GABRA4: variants seen among roughly 807,000 people sequenced by gnomAD.
GABRA4 encodes the protein gamma-aminobutyric acid receptor subunit alpha-4.
Under a neutral mutation model 49.7 loss-of-function variants are expected in GABRA4, and 12 were observed. The observed-to-expected ratio is 0.24, with a 90% CI of 0.15 to 0.39. The LOEUF is 0.39. Ranked by LOEUF, GABRA4 falls within the 10% of genes least tolerant of loss-of-function variation. The pLI is 1.00. For missense variants in GABRA4, 506 were observed against 686.0 expected, an observed-to-expected ratio of 0.74 and a Z score of 2.93; for synonymous variants, 288 against 240.2, an observed-to-expected ratio of 1.20 and a Z score of -1.84.
chr4:46,921,163 T>A lies in GABRA4; in HGVS notation c.*7062A>T, dbSNP rs982908634. 5.9e-5 allele frequency: 9 copies of A among 151,386 alleles called. No homozygotes were observed. The highest frequency in any genetic ancestry group is 1.2e-4 in the Non-Finnish European group (8 of 67,706). The allele number at this position is 151,386 out of a possible 1,614,324, so 9.4% of individuals were successfully genotyped here. On this transcript the variant is annotated 3_prime_UTR_variant, in exon 9 of 9. Coordinates refer to ENST00000264318, the MANE Select transcript of GABRA4 (RefSeq NM_000809.4). The stretch of plus-strand genomic sequence containing the variant: ...TTTTTTTAACGGAAGTAATTAGTGG[T>A]AGAGAAAAGCTATTAAGAAACCATA...
chr4:46,959,683 A>T (rs1248757489), intron 8 of GABRA4, among the ~76,000 whole-genome samples: 2 of 142,502 alleles, frequency 1.4e-5, no homozygotes, highest in Admixed American at 7.6e-5. Flanking sequence ...GAATGGTTTT[A>T]TTCTGATTAA....
chr4:46,959,830 ATATATG>A (rs1012704455), intron 8 of GABRA4, among the ~76,000 whole-genome samples: 22 of 137,440 alleles, frequency 1.6e-4, no homozygotes, highest in East Asian at 1.1e-3. Flanking sequence ...ATATATATAT[ATATATG>A]TGTGTGTGTG....
At chr4:46,932,401 C>G (rs1721468228) in intron 8 of GABRA4, among the ~76,000 whole-genome samples, 1 of 152,040 alleles carries the variant, frequency 6.6e-6, no homozygotes, top group South Asian at 2.1e-4. Flanking sequence ...TCTCTACTCA[C>G]AAATGTGGAG....
In GABRA4 at chr4:46,921,679, C is replaced by G. The variant is rs1721041122; in HGVS notation, c.*6546G>C. ...AAAGATACTCTGGTCAATCCCTGGT[C>G]TATTGGAAGTGCAAATAACATATGG... On this transcript the variant is annotated 3_prime_UTR_variant, in exon 9 of 9. Coordinates refer to ENST00000264318, the MANE Select transcript of GABRA4 (RefSeq NM_000809.4). 2 of 151,868 alleles carry G rather than the reference C, an allele frequency of 1.3e-5. No homozygotes were observed. Among genetic ancestry groups the G allele is most frequent in the South Asian group, 2.1e-4 (1 of 4,810 alleles). The allele number at this position is 151,868 out of a possible 1,614,324, so 9.4% of individuals were successfully genotyped here.
At chr4:46,949,820 A>AAATT (rs1474038478) in intron 8 of GABRA4, among the ~76,000 whole-genome samples, 1 of 152,150 alleles carries the variant, frequency 6.6e-6, no homozygotes, top group Non-Finnish European at 1.5e-5. Flanking sequence ...AAAGAAAAAG[A>AAATT]AATTAGATAT....
intron 8 of GABRA4, among the ~76,000 whole-genome samples, chr4:46,940,245 A>C (rs532181935): frequency 6.6e-6 from 1 of 152,162 alleles, no homozygotes; most frequent in African/African-American, 2.4e-5. Flanking sequence ...TTACTATTCA[A>C]GATATATGGT....
chr4:46,957,010 A>G (rs1393619583), intron 8 of GABRA4, among the ~76,000 whole-genome samples: 1 of 152,098 alleles, frequency 6.6e-6, no homozygotes, highest in Non-Finnish European at 1.5e-5. Flanking sequence ...TTATAAAGTG[A>G]TAAATGAGTT....
intron 8 of GABRA4, among the ~76,000 whole-genome samples, chr4:46,944,689 G>A (rs993270207): frequency 1.3e-5 from 2 of 151,926 alleles, no homozygotes; most frequent in South Asian, 2.1e-4. Context: ...TAATTTCCAA[G>A]ATAGTATCTA....
chr4:46,940,810 C>T (rs1280012798), intron 8 of GABRA4, among the ~76,000 whole-genome samples: 1 of 151,914 alleles, frequency 6.6e-6, no homozygotes, highest in Non-Finnish European at 1.5e-5. Flanking sequence ...GAAGAGTAAG[C>T]TCTAAGCTAT....
At chr4:46,974,500 T>TA in intron 5 of GABRA4, 125 bp from the exon 6 acceptor site, 2 of 912,448 alleles carry the variant, frequency 2.2e-6, no homozygotes, top group Non-Finnish European at 3.1e-6. Context: ...TCACTATAAT[T>TA]TAGTCACTAT....
In GABRA4 at chr4:46,993,478, C is replaced by A. The variant is rs757921405; in HGVS notation, c.-54G>T. The A allele has an allele frequency of 7.6e-6, 12 of 1,576,308 alleles. No individual in the cohort carries two copies. Among genetic ancestry groups the A allele is most frequent in the Non-Finnish European group, 8.7e-6 (10 of 1,146,210 alleles). Reference sequence around the variant, plus strand: ...TTCACGTTTCCAGGCTCTTCAGATGCCCTGAGCAGGGTGCGAGGAGAGGGC... The same window carrying A: ...TTCACGTTTCCAGGCTCTTCAGATGACCTGAGCAGGGTGCGAGGAGAGGGC... On this transcript the variant is annotated 5_prime_UTR_variant, in exon 1 of 9. Transcript: ENST00000264318.
At chr4:46,962,299 T>G (rs1722605553) in intron 8 of GABRA4, among the ~76,000 whole-genome samples, 1 of 151,830 alleles carries the variant, frequency 6.6e-6, no homozygotes, top group Admixed American at 6.6e-5. Context: ...TCAGTAGCAT[T>G]TTTGTATGTC....
intron 8 of GABRA4, among the ~76,000 whole-genome samples, chr4:46,960,090 T>C (rs1295569293): frequency 6.6e-6 from 1 of 151,238 alleles, no homozygotes; most frequent in Non-Finnish European, 1.5e-5. Context: ...ATTTTAGTGA[T>C]AAAAATATAA....
chr4:46,960,582 A>G (rs112283365), intron 8 of GABRA4, among the ~76,000 whole-genome samples: 45 of 151,828 alleles, frequency 3.0e-4, no homozygotes, highest in African/African-American at 9.9e-4. Context: ...TTAACAATGA[A>G]GTTTTCAAAA....
chr4:46,947,468 C>T (rs1157698691), intron 8 of GABRA4, among the ~76,000 whole-genome samples: 3 of 151,630 alleles, frequency 2.0e-5, no homozygotes, highest in Non-Finnish European at 4.4e-5. Context: ...TTAAAATGGC[C>T]TACCACAAAA....
chr4:46,936,851 T>A (rs571111075), intron 8 of GABRA4, among the ~76,000 whole-genome samples: 7 of 152,146 alleles, frequency 4.6e-5, no homozygotes, highest in Non-Finnish European at 1.0e-4. Flanking sequence ...ATTATAGTAG[T>A]CAAAAGGACT....
chr4:46,935,417 A>G (rs1220727057), intron 8 of GABRA4, among the ~76,000 whole-genome samples: 2 of 152,226 alleles, frequency 1.3e-5, no homozygotes, highest in African/African-American at 4.8e-5. Flanking sequence ...CGAATATTAC[A>G]TAGAAAGAAC....
chr4:46,989,425 A>T (rs1402170222), intron 2 of GABRA4, among the ~76,000 whole-genome samples: 1 of 152,162 alleles, frequency 6.6e-6, no homozygotes, highest in Non-Finnish European at 1.5e-5. Flanking sequence ...AGAGGACTAC[A>T]TCCTCTCAGA....
intron 8 of GABRA4, among the ~76,000 whole-genome samples, chr4:46,955,568 T>C (rs1178906790): frequency 1.3e-5 from 2 of 152,086 alleles, no homozygotes; most frequent in Non-Finnish European, 2.9e-5. Context: ...CTTCACAGCA[T>C]TTTTGTCACT....
Sources: gnomAD v4.1 joint callset for allele counts (sites outside exome capture counted in the v4.1 genomes callset) on GRCh38, gnomAD v4.1.1 for gene constraint, MANE v1.5 for transcripts, NCBI Gene and HGNC (gene_info 2026-07-23, HGNC 2026-07-21) for gene names.